The following OOEP variants were observed in gnomAD, a reference collection of about 807,000 sequenced individuals.
The protein encoded by OOEP is oocyte-expressed protein homolog.
Under a neutral mutation model 13.7 loss-of-function variants are expected in OOEP, and 16 were observed. The ratio of observed to expected loss-of-function variants is 1.16; its 90% CI spans 0.79 to 1.77. The LOEUF (loss-of-function observed/expected upper bound fraction) is 1.77. Among genes scored for constraint, OOEP ranks in the 40% most tolerant of loss-of-function variants. The probability of loss-of-function intolerance (pLI) is 0.00; values close to 1 mark genes in which losing one functional copy is unlikely to be tolerated. For synonymous variants in OOEP, 89 were observed against 77.1 expected (o/e 1.15, Z -0.81); for missense variants, 195 against 193.1 (o/e 1.01, Z -0.06).
chr6:73,371,891 ACACTC>A (rs1276981887), upstream of OOEP, among the ~76,000 whole-genome samples: 4 of 152,126 alleles, frequency 2.6e-5, no homozygotes, highest in African/African-American at 9.7e-5. Context: ...TGGCACCACT[ACACTC>A]CAGCCTGGGC....
chr6:73,394,483 C>T, exon 2 of OOEP: 1 of 652,694 alleles, frequency 1.5e-6, no homozygotes, highest in Non-Finnish European at 2.7e-6. Context: ...CGGCGACACC[C>T]CGTCTCTATT....
intron 2 of OOEP, among the ~76,000 whole-genome samples, chr6:73,382,157 C>A (rs1769218250): frequency 6.6e-6 from 1 of 151,840 alleles, no homozygotes; most frequent in Non-Finnish European, 1.5e-5. Flanking sequence ...AAGTGATCCC[C>A]CCGCCTCAGC....
At chr6:73,394,665 C>A (rs1747822357) in intron 1 of OOEP, 4 of 595,998 alleles carry the variant, frequency 6.7e-6, no homozygotes, top group Non-Finnish European at 1.2e-5. Flanking sequence ...CACACTCCCA[C>A]GGTTCAGAAA....
chr6:73,375,553 C>G (rs563856102), intron 2 of OOEP, among the ~76,000 whole-genome samples: 1 of 148,944 alleles, frequency 6.7e-6, no homozygotes, highest in South Asian at 2.1e-4. Context: ...GCACTCCAGC[C>G]TGGACTCTCT....
intron 2 of OOEP, among the ~76,000 whole-genome samples, chr6:73,389,126 G>A (rs1029892491): frequency 1.3e-5 from 2 of 152,224 alleles, no homozygotes; most frequent in Admixed American, 6.5e-5. Flanking sequence ...GCAGACCCGG[G>A]AGCTTTGAGG....
chr6:73,373,030 A>T, upstream of OOEP: 4 of 1,165,886 alleles, frequency 3.4e-6, no homozygotes, highest in Middle Eastern at 2.8e-4. Flanking sequence ...GATAGTGGTG[A>T]CATTTTCAGC....
At chr6:73,374,662 C>A (rs559954127), upstream of OOEP, among the ~76,000 whole-genome samples, 1 of 152,250 alleles carries the variant, frequency 6.6e-6, no homozygotes, top group Admixed American at 6.5e-5. Context: ...GCTCCAGCAA[C>A]CCTCCTGCCT....
rs1342812105 is a variant in OOEP at position 73,369,747 on chromosome 6, T to A, written c.46A>T (p.Thr16Ser). 6.2e-7 allele frequency: 1 copy of A among 1,613,694 alleles called. No homozygotes were observed. Among genetic ancestry groups the A allele is most frequent in the African/African-American group, 1.3e-5 (1 of 74,864 alleles). ...GAAESQRGKQ[T>S]PAHSLEQLRR... ...AGCTGCTCCAGGGAGTGGGCCGGAG[T>A]CTGTTTGCCCCGCTGGGACTCAGCG... The change falls in exon 1 of 3, where the codon ACT (threonine) becomes TCT (serine). Residue 16 changes from threonine to serine, a missense_variant. Coordinates refer to ENST00000370359, the MANE Select transcript of OOEP (RefSeq NM_001080507.3).
upstream of OOEP, among the ~76,000 whole-genome samples, chr6:73,374,063 C>T (rs1195764931): frequency 1.3e-5 from 2 of 151,856 alleles, no homozygotes; most frequent in South Asian, 4.2e-4. Context: ...TGGTGACATG[C>T]GCCTGTAGTC....
At position 73,392,594 on chromosome 6, in the gene OOEP, G is replaced by A. The variant is rs530957900; in HGVS notation, c.25+1752C>T. 1.5e-3 allele frequency among the ~76,000 whole-genome samples: 206 copies of A among 139,430 alleles called. 2 individuals are homozygous for A. The highest frequency in any genetic ancestry group is 4.8e-3 in the African/African-American group (180 of 37,776). The allele number at this position is 139,430 out of a possible 152,430, so 91.5% of individuals were successfully genotyped here. On this transcript the variant is annotated intron_variant, in intron 2 of 3. Transcript: ENST00000370363. ...GCTGAGATTACAGGTGTGAGCCACC[G>A]CGCCTGGCCTATTTCCTAGGTAATC...
At chr6:73,378,839 G>A (rs919192660) in intron 2 of OOEP, among the ~76,000 whole-genome samples, 15 of 151,208 alleles carry the variant, frequency 9.9e-5, no homozygotes, top group Middle Eastern at 6.8e-3. Flanking sequence ...ACTCCAGCCA[G>A]CCTGGGCAAC....
chr6:73,392,639 T>C (rs2150784281), intron 2 of OOEP, among the ~76,000 whole-genome samples: 1 of 137,278 alleles, frequency 7.3e-6, no homozygotes, highest in East Asian at 2.1e-4. Context: ...TTTTTTTTTT[T>C]TTTTTTTTTG....
chr6:73,378,085 ATTC>A (rs1337116552), intron 2 of OOEP, among the ~76,000 whole-genome samples: 14 of 148,726 alleles, frequency 9.4e-5, no homozygotes, highest in South Asian at 2.2e-4. Flanking sequence ...ATTGTTACAA[ATTC>A]TTCTTCTTCT....
At chr6:73,394,723 C>A in exon 1 of OOEP, 1 of 846,630 alleles carries the variant, frequency 1.2e-6, no homozygotes, top group Non-Finnish European at 1.8e-6. Context: ...GCTCACTGGC[C>A]AATGGCTGCG....
intron 2 of OOEP, among the ~76,000 whole-genome samples, chr6:73,392,847 G>A (rs961243126): frequency 5.9e-5 from 9 of 151,394 alleles, no homozygotes; most frequent in African/African-American, 1.7e-4. Flanking sequence ...GGCCAGGATG[G>A]TCTCGATCTC....
At chr6:73,369,104 C>A (rs1769002061) in intron 2 of OOEP, 102 bp downstream of exon 2, 7 of 1,313,074 alleles carry the variant, frequency 5.3e-6, no homozygotes, top group Non-Finnish European at 7.3e-6. Context: ...GTCTGGAAAC[C>A]AAGAAATTTT....
intron 2 of OOEP, among the ~76,000 whole-genome samples, chr6:73,389,716 G>A (rs952332804): frequency 1.4e-5 from 2 of 143,966 alleles, no homozygotes; most frequent in African/African-American, 5.3e-5. Flanking sequence ...AGGGGGGAAG[G>A]GATAGCATTA....
At chr6:73,370,162 T>C (rs942456244), upstream of OOEP, 2 of 214,372 alleles carry the variant, frequency 9.3e-6, no homozygotes, top group African/African-American at 4.5e-5. Flanking sequence ...ACTCTATTAA[T>C]AGACTGGGAA....
upstream of OOEP, chr6:73,369,914 C>T: frequency 3.4e-6 from 3 of 875,512 alleles, no homozygotes; most frequent in Non-Finnish European, 5.3e-6. Flanking sequence ...TCCGGCGGCG[C>T]CTCGCACCGC....
Sources: gnomAD v4.1 joint callset for allele counts (sites outside exome capture counted in the v4.1 genomes callset) on GRCh38, gnomAD v4.1.1 for gene constraint, MANE v1.5 for transcripts, NCBI Gene and HGNC (gene_info 2026-07-23, HGNC 2026-07-21) for gene names.